QTGAL: variants seen among roughly 807,000 people sequenced by gnomAD.
The protein encoded by QTGAL is queuosine-tRNA galactosyltransferase, also known as BGnT-like protein 1.
the QTGAL span, among the ~76,000 whole-genome samples, chr17:82,961,998 G>A: frequency 1.5e-4 from 22 of 151,438 alleles, no homozygotes; most frequent in African/African-American, 2.5e-4. Flanking sequence ...GGAGCAGGGC[G>A]TGGAGTCTGG....
chr17:83,012,525 G>T, the QTGAL span, among the ~76,000 whole-genome samples: 247 of 152,264 alleles, frequency 1.6e-3, no homozygotes, highest in Admixed American at 3.1e-3. Context: ...CCTCACATAC[G>T]GACGGCTCAG....
the QTGAL span, among the ~76,000 whole-genome samples, chr17:82,985,235 T>C: frequency 1.3e-5 from 2 of 152,246 alleles, no homozygotes; most frequent in East Asian, 1.9e-4. Context: ...CCATCAGGCA[T>C]GTCAAACAGA....
the QTGAL span, chr17:82,942,837 G>C: frequency 2.9e-6 from 1 of 344,252 alleles, no homozygotes; most frequent in Admixed American, 4.6e-5. Flanking sequence ...GCCTGGTGCT[G>C]TCCCTGCTGT....
chr17:83,035,427 C>T, the QTGAL span, among the ~76,000 whole-genome samples: 1 of 152,066 alleles, frequency 6.6e-6, no homozygotes, highest in African/African-American at 2.4e-5. Context: ...CCTCGGCCTC[C>T]CAAAGTGCTG....
the QTGAL span, chr17:83,014,400 C>T: frequency 6.3e-7 from 1 of 1,577,640 alleles, no homozygotes; most frequent in South Asian, 1.1e-5. Flanking sequence ...TTTAAAAAAC[C>T]ACAGTGGTAA....
the QTGAL span, among the ~76,000 whole-genome samples, chr17:83,032,770 G>A: frequency 6.6e-6 from 1 of 152,328 alleles, no homozygotes; most frequent in African/African-American, 2.4e-5. Flanking sequence ...GGTCTAAGAA[G>A]AAAAGAGAAG....
chr17:83,048,347 G>A, the QTGAL span: 7 of 851,512 alleles, frequency 8.2e-6, no homozygotes, highest in East Asian at 2.6e-5. Context: ...TTCTTAATAA[G>A]TGGTATATCC....
chr17:82,993,602 A>G, the QTGAL span, among the ~76,000 whole-genome samples: 4 of 152,226 alleles, frequency 2.6e-5, no homozygotes, highest in East Asian at 7.7e-4. Flanking sequence ...AACAAGAAAC[A>G]TTGGACTTAA....
the QTGAL span, among the ~76,000 whole-genome samples, chr17:82,974,682 G>A: frequency 1.3e-5 from 2 of 152,190 alleles, no homozygotes; most frequent in Non-Finnish European, 2.9e-5. Context: ...GGGTGTCCCT[G>A]GCCCCACATC....
At chr17:82,972,464 C>G in the QTGAL span, among the ~76,000 whole-genome samples, 6 of 131,208 alleles carry the variant, frequency 4.6e-5, no homozygotes, top group Admixed American at 1.5e-4. Context: ...GCTGACCACA[C>G]CACACCACAG....
At chr17:83,007,687 C>T in the QTGAL span, among the ~76,000 whole-genome samples, 6 of 152,136 alleles carry the variant, frequency 3.9e-5, no homozygotes, top group East Asian at 1.9e-4. Context: ...TGCGCATGCC[C>T]GACCCCTCCC....
chr17:83,002,786 G>A, the QTGAL span, among the ~76,000 whole-genome samples: 1 of 152,208 alleles, frequency 6.6e-6, no homozygotes, highest in African/African-American at 2.4e-5. Flanking sequence ...GAACGTGCTG[G>A]GGGCACACGG....
the QTGAL span, among the ~76,000 whole-genome samples, chr17:82,977,069 C>T: frequency 6.6e-6 from 1 of 152,264 alleles, no homozygotes; most frequent in Non-Finnish European, 1.5e-5. Context: ...GCAGTGCCCA[C>T]CTCGAAGGCC....
the QTGAL span, chr17:82,979,489 T>C: frequency 1.3e-5 from 2 of 152,186 alleles, no homozygotes; most frequent in African/African-American, 4.8e-5. Context: ...CAGTGGACAA[T>C]TAGAAACCAA....
chr17:82,976,963 C>T, the QTGAL span, among the ~76,000 whole-genome samples: 4 of 151,180 alleles, frequency 2.6e-5, 1 homozygote, highest in Non-Finnish European at 5.9e-5. Flanking sequence ...GGGACAGAGC[C>T]GAACTCCATC....
chr17:82,997,128 A>T, the QTGAL span, among the ~76,000 whole-genome samples: 1 of 152,192 alleles, frequency 6.6e-6, no homozygotes, highest in African/African-American at 2.4e-5. Flanking sequence ...AATGGGAGAA[A>T]ATATTTGTAA....
the QTGAL span, among the ~76,000 whole-genome samples, chr17:83,024,469 C>T: frequency 5.4e-4 from 82 of 152,392 alleles, no homozygotes; most frequent in Non-Finnish European, 8.8e-4. Context: ...GCAGAGCCCT[C>T]GCTCATCCGC....
the QTGAL span, among the ~76,000 whole-genome samples, chr17:82,954,930 T>A: frequency 6.6e-6 from 1 of 152,210 alleles, no homozygotes; most frequent in Non-Finnish European, 1.5e-5. Context: ...GCTAGCCACA[T>A]GCAGAAAACA....
chr17:83,038,360 G>A, the QTGAL span, among the ~76,000 whole-genome samples: 3 of 152,134 alleles, frequency 2.0e-5, no homozygotes, highest in Admixed American at 2.0e-4. Flanking sequence ...ACAACGGATT[G>A]TTTTTATTAT....
Sources: gnomAD v4.1 joint callset for allele counts (sites outside exome capture counted in the v4.1 genomes callset) on GRCh38, gnomAD v4.1.1 for gene constraint, MANE v1.5 for transcripts, NCBI Gene and HGNC (gene_info 2026-07-23, HGNC 2026-07-21) for gene names.